CCDC63: variants seen among roughly 807,000 people sequenced by gnomAD.
The protein encoded by CCDC63 is coiled-coil domain containing 63, also known as coiled-coil domain-containing protein 63.
A neutral mutation model predicts 63.6 loss-of-function variants in CCDC63; 54 were observed. That is an observed-to-expected ratio of 0.85 (90% CI 0.68 to 1.07). The LOEUF (loss-of-function observed/expected upper bound fraction) is 1.07. Ranked by LOEUF, CCDC63 falls within the 50% of genes least tolerant of loss-of-function variation. The pLI, the probability that CCDC63 is intolerant of heterozygous loss-of-function variation, is 0.00. For missense variants in CCDC63, 637 were observed against 689.6 expected (o/e 0.92, Z 0.86); for synonymous variants, 253 against 266.1 (o/e 0.95, Z 0.48).
At chr12:110,891,299 A>C (rs1278064079) in intron 8 of CCDC63, among the ~76,000 whole-genome samples, 1 of 150,800 alleles carries the variant, frequency 6.6e-6, no homozygotes, top group Admixed American at 6.7e-5. Context: ...CAACAGAGCA[A>C]GAGCTTGTCT....
chr12:110,904,299 C>A (rs1566142896), intron 10 of CCDC63, among the ~76,000 whole-genome samples: 1 of 151,682 alleles, frequency 6.6e-6, no homozygotes, highest in Non-Finnish European at 1.5e-5. Context: ...CAAGATCATG[C>A]CACTGCACTT....
upstream of CCDC63, among the ~76,000 whole-genome samples, chr12:110,846,130 C>T (rs2070634766): frequency 6.6e-6 from 1 of 152,146 alleles, no homozygotes; most frequent in South Asian, 2.1e-4. Flanking sequence ...CTAAAACACA[C>T]ATCCTGTCCC....
rs2071206010 is a variant in CCDC63 at position 110,881,283 on chromosome 12, C to A, written c.840C>A (p.Ala280=). 4 of 1,613,184 alleles carry A rather than the reference C, an allele frequency of 2.5e-6. No individual in the cohort carries two copies. The highest frequency in any genetic ancestry group is 1.7e-5 in the Admixed American group (1 of 59,882). ...LNDRNEFEEQ[A]KREEALKAKK... ...ATCGCAATGAATTCGAGGAGCAGGC[C>A]AAAAGGGAGGAAGGTACACCCTCCA... Residue 280 remains alanine, a synonymous_variant, in exon 7 of 12, where the codon GCC becomes GCA. Coordinates refer to ENST00000308208, the MANE Select transcript of CCDC63 (RefSeq NM_152591.3).
chr12:110,904,673 C>T lies in CCDC63; in HGVS notation c.1428C>T (p.Ile476=). 1.2e-6 allele frequency: 2 copies of T among 1,614,098 alleles called. No homozygotes were observed. The highest frequency in any genetic ancestry group is 2.2e-5 in the South Asian group (2 of 91,080). ...ILEVEGAEAE[I]PPPFINPFWG... ...AAGTGGAAGGGGCAGAGGCTGAGAT[C>T]CCGCCACCCTTCATCAACCCTTTCT... The change falls in exon 11 of 12, where the codon ATC becomes ATT. Residue 476 remains isoleucine (I), a synonymous_variant. Transcript: ENST00000308208.
rs2071330240 is a variant in CCDC63, at chr12:110,889,517, G to C, written c.1075-3559G>C. On this transcript the variant is annotated intron_variant, in intron 8 of 11. Transcript: ENST00000308208. This position sits in a 1 kb window ranked among gnomAD's most constrained non-coding sequence, Gnocchi z 4.1. ...CTGGGGAAGAACGCTCCAGGCAGAG[G>C]AAACAGCAACAGCACACGCAAAGGC... is the stretch of plus-strand genomic sequence containing the variant. Among the ~76,000 whole-genome samples the C allele has an allele frequency of 6.6e-6, 1 of 152,154 alleles. No individual in the cohort carries two copies. Among genetic ancestry groups the C allele is most frequent in the South Asian group, 2.1e-4 (1 of 4,832 alleles).
At chr12:110,894,112 CTT>C (rs2071389579) in intron 9 of CCDC63, among the ~76,000 whole-genome samples, 1 of 152,044 alleles carries the variant, frequency 6.6e-6, no homozygotes, top group Admixed American at 6.6e-5. Context: ...TAGTGGGTGA[CTT>C]ATATTCCAAG....
intron 5 of CCDC63, among the ~76,000 whole-genome samples, chr12:110,877,686 G>A (rs990383550): frequency 2.0e-5 from 3 of 148,782 alleles, no homozygotes; most frequent in African/African-American, 5.0e-5. Flanking sequence ...CTCTATCTCT[G>A]TATATTTGAC....
intron 10 of CCDC63, among the ~76,000 whole-genome samples, chr12:110,900,820 G>A (rs951085122): frequency 1.2e-4 from 19 of 152,120 alleles, no homozygotes; most frequent in African/African-American, 3.9e-4. Context: ...GGATGGTCTC[G>A]ATCTCCTGAC....
intron 4 of CCDC63, among the ~76,000 whole-genome samples, chr12:110,872,469 C>T (rs1002598456): frequency 1.3e-5 from 2 of 150,820 alleles, no homozygotes; most frequent in East Asian, 1.9e-4. Context: ...GTGCTGGTGA[C>T]GTGATTTTCA....
At chr12:110,862,896 C>A (rs1316698417) in intron 4 of CCDC63, among the ~76,000 whole-genome samples, 1 of 152,050 alleles carries the variant, frequency 6.6e-6, no homozygotes, top group Admixed American at 6.6e-5. Context: ...GCTAAGATTA[C>A]AGGCACCCGC....
intron 5 of CCDC63, among the ~76,000 whole-genome samples, chr12:110,875,923 C>A (rs930682833): frequency 1.4e-4 from 22 of 151,990 alleles, no homozygotes; most frequent in African/African-American, 5.1e-4. Context: ...GAAACCCTGC[C>A]TCTACTAAAA....
intron 4 of CCDC63, among the ~76,000 whole-genome samples, chr12:110,868,404 G>A (rs1290237660): frequency 2.0e-5 from 3 of 150,204 alleles, no homozygotes; most frequent in East Asian, 3.9e-4. Context: ...AGGTTGTAGC[G>A]AGCCGAGATC....
In CCDC63 at chr12:110,890,260, C is replaced by T. The variant is rs149217383; in HGVS notation, c.1075-2816C>T. On this transcript the variant is annotated intron_variant, in intron 8 of 11. Coordinates refer to ENST00000308208, the MANE Select transcript of CCDC63 (RefSeq NM_152591.3). The stretch of plus-strand genomic sequence containing the variant: ...TCGAGGCTGTAGTGAGCCAAGATCG[C>T]ACCACTGCACTCCATCTGGGCAAGA... Among the ~76,000 whole-genome samples, 638 of 151,568 alleles carry T rather than the reference C, an allele frequency of 4.2e-3. 3 individuals are homozygous for T. Among genetic ancestry groups the T allele is most frequent in the South Asian group, 9.6e-3 (46 of 4,802 alleles).
At chr12:110,853,325 C>T (rs1814103303) in intron 2 of CCDC63, 80 bp from the exon 3 acceptor site, 41 of 1,396,436 alleles carry the variant, frequency 2.9e-5, no homozygotes, top group Non-Finnish European at 4.0e-5. Context: ...CCCCCACTGC[C>T]CTTCACTCTT....
intron 9 of CCDC63, among the ~76,000 whole-genome samples, chr12:110,895,591 G>A (rs2071407980): frequency 6.6e-6 from 1 of 152,190 alleles, no homozygotes; most frequent in Admixed American, 6.5e-5. Context: ...ACCAAGCTCT[G>A]GGAGCCTGGC....
intron 5 of CCDC63, 71 bp from the exon 6 acceptor site, chr12:110,879,835 C>A (rs2136694807): frequency 6.7e-7 from 1 of 1,485,766 alleles, no homozygotes. Flanking sequence ...GACAGCCTTC[C>A]AGGTGCCTTC....
chr12:110,868,478 C>T (rs1221451678), intron 4 of CCDC63, among the ~76,000 whole-genome samples: 1 of 150,156 alleles, frequency 6.7e-6, no homozygotes, highest in Non-Finnish European at 1.5e-5. Flanking sequence ...GTCTGCAATC[C>T]CGGCACCTCG....
chr12:110,867,147 C>T (rs546069543), intron 4 of CCDC63, among the ~76,000 whole-genome samples: 14,484 of 108,946 alleles, frequency 0.13, 1,838 homozygotes, highest in Admixed American at 0.17. Flanking sequence ...ACCTCCCTCC[C>T]GGAGGGGGCG....
At chr12:110,868,467 C>T (rs1234313644) in intron 4 of CCDC63, among the ~76,000 whole-genome samples, 2 of 150,510 alleles carry the variant, frequency 1.3e-5, no homozygotes, top group African/African-American at 2.4e-5. Flanking sequence ...AACGAGACTC[C>T]GTCTGCAATC....
Sources: gnomAD v4.1 joint callset for allele counts (sites outside exome capture counted in the v4.1 genomes callset) on GRCh38, gnomAD v4.1.1 for gene constraint, Gnocchi (gnomAD v3.1) non-coding constraint, MANE v1.5 for transcripts, NCBI Gene and HGNC (gene_info 2026-07-23, HGNC 2026-07-21) for gene names.